DLG2: variants seen among roughly 807,000 people sequenced by gnomAD.
The protein encoded by DLG2 is discs large MAGUK scaffold protein 2.
Under a neutral mutation model 132.5 loss-of-function variants are expected in DLG2, and 45 were observed. The observed-to-expected ratio is 0.34, with a 90% confidence interval of 0.27 to 0.44. DLG2 has a LOEUF of 0.44. DLG2 is among the 20% of genes least tolerant of loss of function. The probability of loss-of-function intolerance (pLI) is 1.00; values close to 1 mark genes in which losing one functional copy is unlikely to be tolerated. For synonymous variants in DLG2, 424 were observed against 419.6 expected (o/e 1.01, Z -0.13); for missense variants, 1,045 against 1,196.9 (o/e 0.87, Z 1.87).
At chr11:84,206,801 A>C (rs963048099) in intron 8 of DLG2, among the ~76,000 whole-genome samples, 11 of 152,002 alleles carry the variant, frequency 7.2e-5, no homozygotes, top group Admixed American at 1.3e-4. Flanking sequence ...AATTTGGGGA[A>C]TAATGCATAA....
At chr11:83,587,792 C>T (rs1265160748) in intron 19 of DLG2, among the ~76,000 whole-genome samples, 4 of 152,174 alleles carry the variant, frequency 2.6e-5, no homozygotes, top group East Asian at 1.9e-4. Context: ...GCGCACCGTG[C>T]GCGAGCCGAA....
chr11:83,734,890 TAC>T (rs922027709), intron 18 of DLG2, among the ~76,000 whole-genome samples: 10 of 151,636 alleles, frequency 6.6e-5, no homozygotes, highest in African/African-American at 2.2e-4. Flanking sequence ...ATTATATATA[TAC>T]ACATATGTAT....
chr11:84,545,681 C>CCTCGGTCAT (rs1178154119), intron 6 of DLG2: 1 of 286,318 alleles, frequency 3.5e-6, no homozygotes, highest in African/African-American at 2.3e-5. Context: ...CTTGCCACTG[C>CCTCGGTCAT]CTCGGTCATT....
At chr11:84,531,190 C>G (rs536903077) in intron 7 of DLG2, among the ~76,000 whole-genome samples, 2 of 151,994 alleles carry the variant, frequency 1.3e-5, no homozygotes, top group Non-Finnish European at 2.9e-5. Flanking sequence ...TAGATGGAGC[C>G]GAAGGCCATT....
At chr11:84,237,838 C>A (rs2097177616) in intron 8 of DLG2, among the ~76,000 whole-genome samples, 1 of 151,884 alleles carries the variant, frequency 6.6e-6, no homozygotes, top group Admixed American at 6.6e-5. Context: ...GCGTTCAAGA[C>A]CAGCCTGGCC....
intron 7 of DLG2, among the ~76,000 whole-genome samples, chr11:84,516,521 G>T (rs769440943): frequency 1.3e-5 from 2 of 151,454 alleles, no homozygotes; most frequent in Non-Finnish European, 3.0e-5. Flanking sequence ...AAACCATGAA[G>T]AAAGAGAAAA....
At chr11:84,416,120 T>C (rs1157790684) in intron 7 of DLG2, among the ~76,000 whole-genome samples, 1 of 152,168 alleles carries the variant, frequency 6.6e-6, no homozygotes, top group African/African-American at 2.4e-5. Context: ...CATTTTGTGC[T>C]CCAGCCTTGA....
intron 8 of DLG2, among the ~76,000 whole-genome samples, chr11:84,243,578 G>T (rs1003304501): frequency 6.6e-6 from 1 of 152,190 alleles, no homozygotes; most frequent in Admixed American, 6.5e-5. Context: ...ACAAATCACT[G>T]AAGTTTTTAT....
chr11:83,872,268 A>T (rs2063607966), intron 16 of DLG2, among the ~76,000 whole-genome samples: 1 of 152,122 alleles, frequency 6.6e-6, no homozygotes, highest in Non-Finnish European at 1.5e-5. Context: ...ATCTCAAACA[A>T]ATTGGCGAGT....
chr11:84,524,090 A>G (rs1037993419), intron 7 of DLG2, among the ~76,000 whole-genome samples: 26 of 152,248 alleles, frequency 1.7e-4, no homozygotes, highest in African/African-American at 6.3e-4. Context: ...CACTAACTCT[A>G]ATGATAGCTG....
intron 6 of DLG2, among the ~76,000 whole-genome samples, chr11:84,828,067 A>G (rs1689356956): frequency 6.6e-6 from 1 of 151,830 alleles, no homozygotes; most frequent in African/African-American, 2.4e-5. Flanking sequence ...AACTTTTGAC[A>G]TGGCGGTGGA....
intron 6 of DLG2, among the ~76,000 whole-genome samples, chr11:85,063,773 T>C (rs1385271422): frequency 6.6e-6 from 1 of 151,872 alleles, no homozygotes; most frequent in Non-Finnish European, 1.5e-5. Flanking sequence ...AAAAGTCATT[T>C]GATAAGAAGC....
chr11:83,699,825 C>G (rs999501929), intron 18 of DLG2, among the ~76,000 whole-genome samples: 2 of 151,230 alleles, frequency 1.3e-5, no homozygotes, highest in African/African-American at 2.4e-5. Flanking sequence ...ATCTATCTAT[C>G]TATCTATCTA....
At chr11:83,763,301 A>G (rs574350347) in intron 18 of DLG2, among the ~76,000 whole-genome samples, 71 of 152,118 alleles carry the variant, frequency 4.7e-4, no homozygotes, top group Admixed American at 1.6e-3. Flanking sequence ...TACTCAATAG[A>G]TTTTTTTTAA....
intron 3 of DLG2, among the ~76,000 whole-genome samples, chr11:85,374,097 C>T (rs2085206504): frequency 1.3e-5 from 2 of 152,070 alleles, no homozygotes; most frequent in South Asian, 4.1e-4. Flanking sequence ...ACCTAAGATG[C>T]TTTGTGCAAG....
chr11:85,222,140 G>GT (rs2074689135), intron 4 of DLG2, among the ~76,000 whole-genome samples: 1 of 151,798 alleles, frequency 6.6e-6, no homozygotes, highest in Non-Finnish European at 1.5e-5. Flanking sequence ...TTGTTTGTTT[G>GT]TTTTTAGTAG....
rs139621316 is a variant in DLG2 at position 84,754,986 on chromosome 11, C to G, written c.358-220255G>C. Among the ~76,000 whole-genome samples the G allele has an allele frequency of 2.2e-3, 339 of 152,208 alleles. 3 individuals carry two copies. The highest frequency in any genetic ancestry group is 7.8e-3 in the African/African-American group (323 of 41,536). On this transcript the variant is annotated intron_variant, in intron 6 of 27. Coordinates refer to ENST00000376104, the MANE Select transcript of DLG2 (RefSeq NM_001142699.3). ...AGTCCAAAAATGAATGAATTAAAGGCTTAGATAATTCATAGGATGTTATGA... is the reference window on the plus strand; with the variant it reads ...AGTCCAAAAATGAATGAATTAAAGGGTTAGATAATTCATAGGATGTTATGA...
At chr11:85,589,172 C>G (rs1263664707) in intron 3 of DLG2, among the ~76,000 whole-genome samples, 4 of 152,176 alleles carry the variant, frequency 2.6e-5, no homozygotes, top group Admixed American at 2.6e-4. Context: ...GACACTGTCA[C>G]GTGGACAGAT....
chr11:85,026,374 T>C (rs1427545870), intron 6 of DLG2, among the ~76,000 whole-genome samples: 2 of 152,090 alleles, frequency 1.3e-5, no homozygotes, highest in Non-Finnish European at 2.9e-5. Context: ...ATACGTAAAT[T>C]AAAATATGAA....
Sources: allele counts gnomAD v4.1 joint callset (sites outside exome capture counted in the v4.1 genomes callset), GRCh38; gene constraint gnomAD v4.1.1; transcripts MANE v1.5; gene names NCBI Gene and HGNC (gene_info 2026-07-23, HGNC 2026-07-21).